PPP1R12A: variants seen among roughly 807,000 people sequenced by gnomAD.
PPP1R12A encodes the protein myosin binding subunit.
PPP1R12A carries 19 observed loss-of-function variants against 139.6 expected under a neutral mutation model. The observed-to-expected ratio is 0.14, with a 90% CI of 0.09 to 0.20. The LOEUF (loss-of-function observed/expected upper bound fraction) is 0.20. Among genes scored for constraint, PPP1R12A ranks in the 10% least tolerant of loss-of-function variants. The pLI, the probability that PPP1R12A is intolerant of heterozygous loss-of-function variation, is 1.00. For missense variants in PPP1R12A, 925 were observed against 1,211.5 expected (o/e 0.76, Z 3.51); for synonymous variants, 427 against 420.6 (o/e 1.02, Z -0.19).
chr12:79,934,361 C>A (rs934471064), intron 1 of PPP1R12A, among the ~76,000 whole-genome samples: 6 of 152,278 alleles, frequency 3.9e-5, no homozygotes, highest in African/African-American at 1.4e-4. Context: ...CAGGCACAAC[C>A]CCACTACACC....
chr12:79,776,458 T>C (rs899013516), intron 24 of PPP1R12A, among the ~76,000 whole-genome samples: 2 of 152,108 alleles, frequency 1.3e-5, no homozygotes, highest in African/African-American at 2.4e-5. Context: ...TAGGAAAACA[T>C]TGAGGAAATT....
intron 4 of PPP1R12A, among the ~76,000 whole-genome samples, chr12:79,829,963 A>C (rs1203380624): frequency 6.6e-6 from 1 of 152,186 alleles, no homozygotes; most frequent in East Asian, 1.9e-4. Context: ...AAAACTGAAA[A>C]GCATCAAAAT....
chr12:79,902,377 A>C (rs1176628434), intron 1 of PPP1R12A, among the ~76,000 whole-genome samples: 1 of 152,128 alleles, frequency 6.6e-6, no homozygotes, highest in Admixed American at 6.5e-5. Context: ...ATTTCATCTA[A>C]TCCCCACAAT....
chr12:79,910,352 C>A (rs149903520), intron 1 of PPP1R12A, among the ~76,000 whole-genome samples: 17 of 151,928 alleles, frequency 1.1e-4, no homozygotes, highest in African/African-American at 4.1e-4. Flanking sequence ...TGGTGCTAGG[C>A]GCTTGTAATC....
At chr12:79,920,222 T>G (rs1181662608) in intron 1 of PPP1R12A, among the ~76,000 whole-genome samples, 3 of 152,244 alleles carry the variant, frequency 2.0e-5, no homozygotes, top group African/African-American at 7.2e-5. Flanking sequence ...CTGAATAATA[T>G]TCCGCTGATT....
At chr12:79,793,310 G>A (rs1244005308) in intron 19 of PPP1R12A, among the ~76,000 whole-genome samples, 1 of 151,920 alleles carries the variant, frequency 6.6e-6, no homozygotes, top group Non-Finnish European at 1.5e-5. Flanking sequence ...AGTACTGAGA[G>A]GAAAAAAATG....
At chr12:79,776,367 A>G (rs571155074) in intron 24 of PPP1R12A, among the ~76,000 whole-genome samples, 19 of 152,254 alleles carry the variant, frequency 1.2e-4, no homozygotes, top group East Asian at 1.9e-4. Flanking sequence ...GTCAGCACCT[A>G]AACCAAAGAC....
Position 79,897,141 on chromosome 12 carries a change from A to AT in PPP1R12A, c.238-24204dup, listed in dbSNP as rs540620822. Among the ~76,000 whole-genome samples, 8 of 152,358 alleles carry AT rather than the reference A, an allele frequency of 5.3e-5. No homozygotes were observed. In the South Asian group the frequency reaches 1.7e-3, roughly 32 times the overall value. ...AAACATGGAATCAACCTAGGTGCCC[A>AT]TTAATGATGGACTGGATAAAGAAAA... is the stretch of plus-strand genomic sequence containing the variant. On this transcript the variant is annotated intron_variant, in intron 1 of 24. Coordinates refer to ENST00000450142, the MANE Select transcript of PPP1R12A (RefSeq NM_002480.3).
At chr12:79,828,256 AAATAT>A in intron 5 of PPP1R12A, 59 bp downstream of exon 5, 1 of 1,391,562 alleles carries the variant, frequency 7.2e-7, no homozygotes, top group East Asian at 2.4e-5. Flanking sequence ...CTATATTTCT[AAATAT>A]ACTTTCTAAA....
chr12:79,906,392 C>T (rs1448357215), intron 1 of PPP1R12A, among the ~76,000 whole-genome samples: 2 of 151,814 alleles, frequency 1.3e-5, no homozygotes, highest in African/African-American at 4.8e-5. Context: ...AAGGAGTATA[C>T]CAATATATTA....
chr12:79,864,611 T>C (rs1303375335), intron 2 of PPP1R12A, among the ~76,000 whole-genome samples: 2 of 151,940 alleles, frequency 1.3e-5, no homozygotes, highest in African/African-American at 4.8e-5. Context: ...AAGAATCCAA[T>C]AGACACAATA....
intron 12 of PPP1R12A, chr12:79,806,964 T>C: frequency 3.8e-6 from 1 of 263,834 alleles, no homozygotes; most frequent in Non-Finnish European, 7.1e-6. Context: ...AGGAGTTCCT[T>C]CTAAAGGAGT....
rs1423627067 is a variant in PPP1R12A, at chr12:79,843,091, C to T, written c.487+2211G>A. Among the ~76,000 whole-genome samples the T allele has an allele frequency of 2.0e-5, 3 of 152,002 alleles. No individual in the cohort carries two copies. In the South Asian group the frequency reaches 6.2e-4, roughly 32 times the overall value. The stretch of plus-strand genomic sequence containing the variant: ...GGCTTATGTCACTTACCATAAAGTC[C>T]TCCATGCTGTAGCGTATGTTTGATT... On this transcript the variant is annotated intron_variant, in intron 3 of 24. Coordinates refer to ENST00000450142, the MANE Select transcript of PPP1R12A (RefSeq NM_002480.3).
intron 2 of PPP1R12A, among the ~76,000 whole-genome samples, chr12:79,870,453 G>A (rs1882454188): frequency 6.6e-6 from 1 of 152,112 alleles, no homozygotes; most frequent in Admixed American, 6.6e-5. Flanking sequence ...AGGATTTTGG[G>A]CTATCATCAC....
intron 13 of PPP1R12A, 67 bp downstream of exon 13, chr12:79,806,098 TA>T: frequency 6.7e-7 from 1 of 1,496,996 alleles, no homozygotes; most frequent in East Asian, 2.3e-5. Context: ...CACAATCTTC[TA>T]AACAAAAACG....
chr12:79,935,313 G>A, upstream of PPP1R12A: 3 of 1,044,928 alleles, frequency 2.9e-6, no homozygotes, highest in Non-Finnish European at 3.5e-6. Context: ...GCCACCAGAG[G>A]GAAGCGGGTG....
intron 17 of PPP1R12A, 33 bp downstream of exon 17, chr12:79,796,749 A>G (rs754601785): frequency 6.6e-7 from 1 of 1,523,386 alleles, no homozygotes; most frequent in Non-Finnish European, 9.0e-7. Flanking sequence ...TATATGAAGA[A>G]AGCAAAGTGT....
At chr12:79,841,068 A>AG (rs1555214906) in intron 3 of PPP1R12A, among the ~76,000 whole-genome samples, 20 of 150,196 alleles carry the variant, frequency 1.3e-4, no homozygotes, top group South Asian at 1.1e-3. Context: ...AAAAAAAAAA[A>AG]AGAGAGAGAG....
intron 3 of PPP1R12A, among the ~76,000 whole-genome samples, chr12:79,833,394 G>A (rs1877670406): frequency 6.6e-6 from 1 of 152,078 alleles, no homozygotes. Flanking sequence ...GATTTCATCT[G>A]GTCTTATGGC....
Sources: allele counts gnomAD v4.1 joint callset (sites outside exome capture counted in the v4.1 genomes callset), GRCh38; gene constraint gnomAD v4.1.1; transcripts MANE v1.5; gene names NCBI Gene and HGNC (gene_info 2026-07-23, HGNC 2026-07-21).